PAPPA2: variants seen among roughly 807,000 people sequenced by gnomAD.
PAPPA2 encodes the protein pappalysin-2.
Under a neutral mutation model 176.4 loss-of-function variants are expected in PAPPA2, and 86 were observed. That is an observed-to-expected ratio of 0.49 (90% CI 0.41 to 0.58). PAPPA2 has a LOEUF of 0.58. Ranked by LOEUF, PAPPA2 falls within the 20% of genes least tolerant of loss-of-function variation. The pLI is 0.00. For missense variants in PAPPA2, 2,073 were observed against 2,256.9 expected (o/e 0.92, Z 1.65); for synonymous variants, 809 against 852.2 (o/e 0.95, Z 0.88).
At chr1:176,814,025 A>G (rs1162155223) in intron 21 of PAPPA2, among the ~76,000 whole-genome samples, 1 of 152,132 alleles carries the variant, frequency 6.6e-6, no homozygotes, top group African/African-American at 2.4e-5. Context: ...TCCCAGCACT[A>G]TTTTTTAAAA....
chr1:176,485,772 G>T (rs1426828580), intron 1 of PAPPA2, among the ~76,000 whole-genome samples: 1 of 152,072 alleles, frequency 6.6e-6, no homozygotes, highest in Non-Finnish European at 1.5e-5. Flanking sequence ...TTGGGAATTT[G>T]AAAATTAAAC....
At chr1:176,653,053 T>TA (rs1185013706) in intron 3 of PAPPA2, among the ~76,000 whole-genome samples, 1 of 151,740 alleles carries the variant, frequency 6.6e-6, no homozygotes, top group Non-Finnish European at 1.5e-5. Flanking sequence ...TGTCACTTCT[T>TA]AGTCACTTAG....
chr1:176,641,524 G>T (rs796476953), intron 3 of PAPPA2, among the ~76,000 whole-genome samples: 1 of 151,344 alleles, frequency 6.6e-6, no homozygotes. Context: ...ATTTCTGAGG[G>T]CTCTGTTCTG....
Position 176,791,382 on chromosome 1 carries a change from C to T in PAPPA2, c.4920C>T (p.Thr1640=), listed in dbSNP as rs1401532258. Residue 1640 remains threonine, a synonymous_variant, in exon 19 of 23, where the codon ACC becomes ACT. Transcript: ENST00000367662. The part of the protein sequence containing the change: ...PILCTKEGLW[T]QEFKLCENLQ... ...TCTGCACTAAAGAGGGCCTGTGGAC[C>T]CAGGAGTTTAAGTTGTGTGAGAATC... 1.2e-6 allele frequency: 2 copies of T among 1,611,324 alleles called. No individual in the cohort carries two copies. Among genetic ancestry groups the T allele is most frequent in the Non-Finnish European group, 1.7e-6 (2 of 1,177,870 alleles).
chr1:176,745,058 A>G (rs983529743), intron 14 of PAPPA2, among the ~76,000 whole-genome samples: 7 of 152,136 alleles, frequency 4.6e-5, no homozygotes, highest in Admixed American at 2.0e-4. Context: ...TTTTTTGCCA[A>G]TCAGGTGTGC....
At chr1:176,598,494 C>A (rs1164271518) in intron 3 of PAPPA2, among the ~76,000 whole-genome samples, 3 of 152,136 alleles carry the variant, frequency 2.0e-5, no homozygotes, top group Non-Finnish European at 4.4e-5. Flanking sequence ...TGTTGCAGAA[C>A]AAAGTACTAT....
At chr1:176,680,446 T>G (rs554452413) in intron 4 of PAPPA2, among the ~76,000 whole-genome samples, 2 of 152,264 alleles carry the variant, frequency 1.3e-5, no homozygotes, top group Admixed American at 1.3e-4. Flanking sequence ...ATACAACAAC[T>G]CTTTTGTGAT....
At chr1:176,812,392 T>C (rs1344015335) in intron 21 of PAPPA2, among the ~76,000 whole-genome samples, 1 of 152,192 alleles carries the variant, frequency 6.6e-6, no homozygotes, top group African/African-American at 2.4e-5. Context: ...GTTATAAGAA[T>C]GGGCAGCATG....
intron 2 of PAPPA2, among the ~76,000 whole-genome samples, chr1:176,593,818 G>A (rs1653797903): frequency 6.6e-6 from 1 of 152,140 alleles, no homozygotes; most frequent in South Asian, 2.1e-4. Context: ...GGTGGTATTG[G>A]GTATAGAACA....
chr1:176,696,290 A>G (rs1660378560), intron 7 of PAPPA2, among the ~76,000 whole-genome samples: 1 of 110,142 alleles, frequency 9.1e-6, no homozygotes, highest in Non-Finnish European at 1.7e-5. Flanking sequence ...CACTCATGCA[A>G]TGGCTGAGCA....
At chr1:176,727,696 T>C (rs1010763117) in intron 12 of PAPPA2, among the ~76,000 whole-genome samples, 1 of 151,936 alleles carries the variant, frequency 6.6e-6, no homozygotes, top group African/African-American at 2.4e-5. Flanking sequence ...GATTTGAAGA[T>C]CATTATCAAA....
chr1:176,516,542 A>G (rs1397080290), intron 1 of PAPPA2, among the ~76,000 whole-genome samples: 2 of 152,132 alleles, frequency 1.3e-5, no homozygotes. Flanking sequence ...ATTGGGTTAT[A>G]AGTGCTCTGC....
At chr1:176,518,637 T>C (rs1199899416) in intron 1 of PAPPA2, among the ~76,000 whole-genome samples, 4 of 152,206 alleles carry the variant, frequency 2.6e-5, no homozygotes, top group Admixed American at 2.6e-4. Context: ...TGTTTTTGTT[T>C]TTTAAGGCTA....
At chr1:176,521,986 A>C (rs1322336370) in intron 1 of PAPPA2, among the ~76,000 whole-genome samples, 1 of 152,144 alleles carries the variant, frequency 6.6e-6, no homozygotes, top group Non-Finnish European at 1.5e-5. Context: ...TAAGTCTTGC[A>C]CATCCTGTGG....
At chr1:176,698,941 T>G (rs546409430) in intron 7 of PAPPA2, among the ~76,000 whole-genome samples, 159 bp from the exon 8 acceptor site, 30 of 152,306 alleles carry the variant, frequency 2.0e-4, no homozygotes, top group African/African-American at 6.7e-4. Context: ...TACACCTTTG[T>G]TCTTACTAGT....
intron 20 of PAPPA2, among the ~76,000 whole-genome samples, chr1:176,798,805 A>G (rs1665553067): frequency 6.6e-6 from 1 of 152,194 alleles, no homozygotes; most frequent in African/African-American, 2.4e-5. Flanking sequence ...AAGCCAAGTC[A>G]CTTTCAAATA....
chr1:176,756,524 G>A (rs1158456091), intron 14 of PAPPA2, among the ~76,000 whole-genome samples: 1 of 152,280 alleles, frequency 6.6e-6, no homozygotes, highest in East Asian at 1.9e-4. Context: ...CACATTAACT[G>A]TATATTAGTC....
chr1:176,498,839 G>A (rs972387007), intron 1 of PAPPA2, among the ~76,000 whole-genome samples: 4 of 151,906 alleles, frequency 2.6e-5, no homozygotes, highest in Admixed American at 2.6e-4. Context: ...GTGGCACAAG[G>A]AAAAATACCA....
chr1:176,530,837 G>A (rs981699567), intron 1 of PAPPA2, among the ~76,000 whole-genome samples: 9 of 152,168 alleles, frequency 5.9e-5, no homozygotes, highest in Admixed American at 4.6e-4. Context: ...GGTTGAATTG[G>A]TATGGAAAAT....
Sources: gnomAD v4.1 joint callset for allele counts (sites outside exome capture counted in the v4.1 genomes callset) on GRCh38, gnomAD v4.1.1 for gene constraint, MANE v1.5 for transcripts, NCBI Gene and HGNC (gene_info 2026-07-23, HGNC 2026-07-21) for gene names.